NTRK2: variants seen among roughly 807,000 people sequenced by gnomAD.
The protein encoded by NTRK2 is BDNF/NT-3 growth factors receptor.
NTRK2 carries 13 observed loss-of-function variants against 94.5 expected under a neutral mutation model. That is an observed-to-expected ratio of 0.14 (90% CI 0.09 to 0.22). The LOEUF (loss-of-function observed/expected upper bound fraction) is 0.22. Among genes scored for constraint, NTRK2 ranks in the 10% least tolerant of loss-of-function variants. The pLI, the probability that NTRK2 is intolerant of heterozygous loss-of-function variation, is 1.00. For missense variants in NTRK2, 639 were observed against 1,071.2 expected (o/e 0.60, Z 5.63); for synonymous variants, 372 against 407.4 (o/e 0.91, Z 1.05).
chr9:84,804,332 C>T (rs963921217), intron 12 of NTRK2, among the ~76,000 whole-genome samples: 2 of 152,138 alleles, frequency 1.3e-5, no homozygotes, highest in Admixed American at 6.5e-5. Flanking sequence ...ATTTTCATCT[C>T]CCCCACAATC....
intron 14 of NTRK2, among the ~76,000 whole-genome samples, chr9:84,881,158 A>G (rs1160971138): frequency 6.6e-6 from 1 of 152,178 alleles, no homozygotes; most frequent in Non-Finnish European, 1.5e-5. Flanking sequence ...GGTGGGGGTT[A>G]TGTATGTTTC....
At position 84,740,712 on chromosome 9, in the gene NTRK2, A is replaced by G. The variant is rs940640076; in HGVS notation, c.1160-1180A>G. Among the ~76,000 whole-genome samples the G allele has an allele frequency of 9.8e-5, 15 of 152,378 alleles. No homozygotes were observed. The South Asian group carries it at 2.5e-3, about 25-fold the overall frequency. On this transcript the variant is annotated intron_variant, in intron 9 of 18. Coordinates refer to ENST00000277120, the MANE Select transcript of NTRK2 (RefSeq NM_006180.6). ...ATGCAGCATCCCTGGATGGAAGTAC[A>G]CAGCCATTCATTTCATTTTTTTTCC...
chr9:85,002,746 A>G (rs1327049211), intron 17 of NTRK2, among the ~76,000 whole-genome samples: 3 of 152,230 alleles, frequency 2.0e-5, no homozygotes, highest in Non-Finnish European at 4.4e-5. Flanking sequence ...GGATATGGAA[A>G]GGTAAAGTCT....
intron 12 of NTRK2, among the ~76,000 whole-genome samples, chr9:84,836,836 TTCAAG>T (rs1241978529): frequency 6.6e-6 from 1 of 150,778 alleles, no homozygotes; most frequent in Non-Finnish European, 1.5e-5. Flanking sequence ...CTTACAACAA[TTCAAG>T]TCAGATTTTC....
At chr9:84,766,832 A>G (rs2066078760) in intron 12 of NTRK2, among the ~76,000 whole-genome samples, 1 of 152,088 alleles carries the variant, frequency 6.6e-6, no homozygotes, top group Non-Finnish European at 1.5e-5. Context: ...AACACATAAT[A>G]TGCACACATT....
chr9:84,945,901 C>T (rs551678293), intron 15 of NTRK2, among the ~76,000 whole-genome samples: 85 of 152,190 alleles, frequency 5.6e-4, no homozygotes, highest in African/African-American at 1.8e-3. Flanking sequence ...GTATTGATCC[C>T]GAGAGCGTGC....
intron 12 of NTRK2, among the ~76,000 whole-genome samples, chr9:84,845,545 C>T (rs973196591): frequency 1.3e-5 from 2 of 152,038 alleles, no homozygotes; most frequent in Non-Finnish European, 2.9e-5. Context: ...AGATTCTTGG[C>T]TAATGATAAG....
At chr9:84,988,622 T>C (rs778381876) in intron 17 of NTRK2, among the ~76,000 whole-genome samples, 5 of 152,204 alleles carry the variant, frequency 3.3e-5, no homozygotes, top group Non-Finnish European at 7.3e-5. Context: ...GTGTGCACAC[T>C]TACAGGGCCA....
chr9:84,901,194 G>GTTTTATTTTATTTTATTTTA (rs1339278155), intron 14 of NTRK2, among the ~76,000 whole-genome samples: 2,744 of 63,512 alleles, frequency 0.043, 135 homozygotes, highest in African/African-American at 0.1. Flanking sequence ...GTTTTGTTTT[G>GTTTTATTTTATTTTATTTTA]TTTTGTTTTG....
chr9:84,730,791 A>G, intron 9 of NTRK2, among the ~76,000 whole-genome samples: 1 of 144,530 alleles, frequency 6.9e-6, no homozygotes, highest in Non-Finnish European at 1.5e-5. Flanking sequence ...AGCAAAAAAA[A>G]AAAAAAAAAA....
rs200031604 is a variant in NTRK2, at chr9:84,773,764, CT to C, written c.1396+21687del. ...GAATTGGATTTGAGAATAAAAGCAT[CT>C]TTTTTTTCCCCTTTCACTTCAAAAA... On this transcript the variant is annotated intron_variant, in intron 12 of 18. Coordinates refer to ENST00000277120, the MANE Select transcript of NTRK2 (RefSeq NM_006180.6). 8.2e-3 allele frequency among the ~76,000 whole-genome samples: 1,248 copies of C among 152,144 alleles called. 19 individuals are homozygous for C. The highest frequency in any genetic ancestry group is 0.035 in the Admixed American group (534 of 15,286).
At chr9:84,801,793 G>C (rs1171407487) in intron 12 of NTRK2, among the ~76,000 whole-genome samples, 3 of 152,152 alleles carry the variant, frequency 2.0e-5, no homozygotes, top group Non-Finnish European at 4.4e-5. Context: ...CTGGGATCTT[G>C]GACAGTTAAA....
intron 14 of NTRK2, among the ~76,000 whole-genome samples, chr9:84,895,784 T>G (rs957477681): frequency 7.9e-5 from 12 of 152,142 alleles, no homozygotes; most frequent in African/African-American, 2.9e-4. Flanking sequence ...GCAGTGGAAG[T>G]TTGTAGTAGA....
intron 14 of NTRK2, among the ~76,000 whole-genome samples, chr9:84,922,228 G>A (rs967812946): frequency 3.3e-5 from 5 of 152,090 alleles, no homozygotes; most frequent in African/African-American, 4.8e-5. Flanking sequence ...TGACTGGGTC[G>A]GTGGCATCCT....
intron 12 of NTRK2, among the ~76,000 whole-genome samples, chr9:84,756,964 GC>G: frequency 6.6e-6 from 1 of 152,290 alleles, no homozygotes; most frequent in African/African-American, 2.4e-5. Flanking sequence ...ACATAGCGGG[GC>G]CAAAGCTAAA....
At chr9:84,730,608 C>T (rs1354085637) in intron 9 of NTRK2, among the ~76,000 whole-genome samples, 2 of 140,578 alleles carry the variant, frequency 1.4e-5, no homozygotes, top group East Asian at 2.0e-4. Context: ...GGCGTGGTAG[C>T]GGGCGCCTGT....
chr9:84,915,236 G>T (rs1161876358), intron 14 of NTRK2, among the ~76,000 whole-genome samples: 1 of 152,128 alleles, frequency 6.6e-6, no homozygotes, highest in Non-Finnish European at 1.5e-5. Context: ...GGGGGTTGGG[G>T]ACCCTTGGCT....
intron 12 of NTRK2, among the ~76,000 whole-genome samples, chr9:84,798,283 G>T (rs1350384676): frequency 6.6e-6 from 1 of 152,010 alleles, no homozygotes; most frequent in Non-Finnish European, 1.5e-5. Context: ...CCTCCCAAAT[G>T]CCCCACCTGT....
chr9:84,967,697 ATGTTGG>A (rs1437318690), intron 17 of NTRK2, among the ~76,000 whole-genome samples: 1 of 152,218 alleles, frequency 6.6e-6, no homozygotes, highest in Non-Finnish European at 1.5e-5. Flanking sequence ...GTTCATTCAC[ATGTTGG>A]TGATGACAGA....
Sources: gnomAD v4.1 joint callset for allele counts (sites outside exome capture counted in the v4.1 genomes callset) on GRCh38, gnomAD v4.1.1 for gene constraint, MANE v1.5 for transcripts, NCBI Gene and HGNC (gene_info 2026-07-23, HGNC 2026-07-21) for gene names.